MED14: variants seen among roughly 807,000 people sequenced by gnomAD.
MED14 encodes the protein mediator of RNA polymerase II transcription subunit 14.
In MED14, 8 loss-of-function variants were observed where a neutral mutation model predicts 109.0. The observed-to-expected ratio is 0.07, with a 90% CI of 0.04 to 0.13. The LOEUF (loss-of-function observed/expected upper bound fraction) is 0.13. Ranked by LOEUF, MED14 falls within the 10% of genes least tolerant of loss-of-function variation. The pLI, the probability that MED14 is intolerant of heterozygous loss-of-function variation, is 1.00. For synonymous variants in MED14, 399 were observed against 408.7 expected (o/e 0.98, Z 0.29); for missense variants, 711 against 1,142.4 (o/e 0.62, Z 5.44).
rs1928841520 is a variant in MED14 at position 40,650,820 on chromosome X, A to G, written c.*986T>C. On this transcript the variant is annotated 3_prime_UTR_variant, in exon 31 of 31. Coordinates refer to ENST00000324817, the MANE Select transcript of MED14 (RefSeq NM_004229.4). ...TGGGGAAGGAAAGGAGGATAAGTTA[A>G]GCAAGATAAAGAAAGCTCACAGAAA... 1.3e-6 allele frequency: 1 copy of G among 752,530 alleles called. No individual in the cohort carries two copies. Among genetic ancestry groups the G allele is most frequent in the Non-Finnish European group, 1.6e-6 (1 of 638,652 alleles). 62.0% of individuals were successfully genotyped at this position (752,530 alleles called of 1,213,427 possible). A position where few individuals can be genotyped will look rare whatever the true frequency, so the allele number is the denominator to read the frequency against.
rs764915794 is a variant in MED14, at chrX:40,688,113, A to G, written c.2057+341T>C. On this transcript the variant is annotated intron_variant, in intron 16 of 30. Transcript: ENST00000324817. ...GTGCCTGTAGTCCCAGCTACTCGGG[A>G]GGTTGAGGCACGAGAATTGCTTGAA... is the stretch of plus-strand genomic sequence containing the variant. 6.9e-4 allele frequency among the ~76,000 whole-genome samples: 77 copies of G among 111,114 alleles called. 1 individual carries two copies. The highest frequency in any genetic ancestry group is 5.8e-3 in the Admixed American group (61 of 10,465).
At chrX:40,723,702 GAC>G (rs1466318760) in intron 3 of MED14, among the ~76,000 whole-genome samples, 2 of 94,990 alleles carry the variant, frequency 2.1e-5, no homozygotes, top group Non-Finnish European at 4.2e-5. Flanking sequence ...AAATACAATG[GAC>G]ACAAAAAATA....
intron 13 of MED14, among the ~76,000 whole-genome samples, chrX:40,695,195 G>A (rs758876342): frequency 1.6e-4 from 18 of 111,725 alleles, no homozygotes; most frequent in Non-Finnish European, 3.2e-4. Context: ...GCAATTTTGG[G>A]GGATAATGGA....
chrX:40,710,139 AAAATG>A lies in MED14; in HGVS notation c.1023-15_1023-11del, dbSNP rs761764691. 1.1e-3 allele frequency: 1,270 copies of A among 1,125,252 alleles called. 5 individuals are homozygous for A. The African/African-American group carries it at 0.015, about 13-fold the overall frequency. The allele number at this position is 1,125,252 out of a possible 1,213,427, so 92.7% of individuals were successfully genotyped here. On this transcript the variant is annotated splice_polypyrimidine_tract_variant and intron_variant, in intron 8 of 30. Transcript: ENST00000324817. ...CCCAAGAACCTGTTGACTAAAGAAA[AAAATG>A]AAATGAAGAATTTTTTTCAACACAG...
chrX:40,652,196 C>T (rs1928903742), intron 30 of MED14, among the ~76,000 whole-genome samples: 1 of 111,995 alleles, frequency 8.9e-6, no homozygotes, highest in Non-Finnish European at 1.9e-5. Context: ...TTTAAGGCTA[C>T]TGAGTGCTTA....
intron 3 of MED14, chrX:40,726,515 T>C (rs1405470764): frequency 3.6e-6 from 1 of 281,030 alleles, no homozygotes; most frequent in Non-Finnish European, 6.3e-6. Flanking sequence ...CAGTCTCATA[T>C]TTAAAGTCTC....
chrX:40,667,425 C>G (rs1929536141), intron 23 of MED14, among the ~76,000 whole-genome samples: 1 of 111,697 alleles, frequency 9.0e-6, no homozygotes, highest in Admixed American at 9.5e-5. Context: ...ATGAGATATT[C>G]CAGCCAAACA....
chrX:40,697,569 C>T (rs1410941311), intron 12 of MED14, among the ~76,000 whole-genome samples: 5 of 111,913 alleles, frequency 4.5e-5, no homozygotes, highest in Non-Finnish European at 7.5e-5. Flanking sequence ...TGTAGTATAC[C>T]TAGCGGGTCC....
intron 16 of MED14, among the ~76,000 whole-genome samples, chrX:40,685,119 G>A (rs1043153051): frequency 2.7e-5 from 3 of 111,909 alleles, no homozygotes; most frequent in Non-Finnish European, 5.6e-5. Flanking sequence ...AACCGAGGAA[G>A]GTATTTTCTG....
chrX:40,673,579 A>AT (rs960134397), intron 22 of MED14, among the ~76,000 whole-genome samples: 1 of 111,429 alleles, frequency 9.0e-6, no homozygotes, highest in Admixed American at 9.5e-5. Flanking sequence ...TCAAATTATG[A>AT]TTTTTTTCAG....
At chrX:40,735,630 G>C, upstream of MED14, 2 of 499,407 alleles carry the variant, frequency 4.0e-6, no homozygotes, top group Non-Finnish European at 7.2e-6. Flanking sequence ...GGGGGGAGGC[G>C]GGGATGGGGG....
At chrX:40,696,914 C>A (rs749573897) in intron 13 of MED14, 110 bp downstream of exon 13, 88 of 724,221 alleles carry the variant, frequency 1.2e-4, no homozygotes, top group Non-Finnish European at 1.7e-4. Context: ...TTCACTATAC[C>A]AAAGTCAAAT....
At chrX:40,672,453 T>C (rs1325278556) in intron 22 of MED14, among the ~76,000 whole-genome samples, 1 of 112,353 alleles carries the variant, frequency 8.9e-6, no homozygotes, top group Non-Finnish European at 1.9e-5. Context: ...CAATGAAATA[T>C]GGTAGCTCAG....
At chrX:40,697,608 G>A (rs1602473278) in intron 12 of MED14, among the ~76,000 whole-genome samples, 1 of 111,935 alleles carries the variant, frequency 8.9e-6, no homozygotes, top group African/African-American at 3.3e-5. Context: ...TTGTTCCCAC[G>A]TTCCTTTCAG....
chrX:40,694,738 T>C (rs767065192), intron 13 of MED14, among the ~76,000 whole-genome samples: 3 of 112,346 alleles, frequency 2.7e-5, no homozygotes, highest in Non-Finnish European at 3.8e-5. Context: ...AGAACTCTCA[T>C]ATATTGCTGG....
chrX:40,729,371 T>A, intron 1 of MED14, 26 bp from the exon 2 acceptor site: 1 of 1,155,794 alleles, frequency 8.7e-7, no homozygotes. Context: ...AAAAACGGAT[T>A]AGATACATGC....
chrX:40,670,686 G>A (rs1484798673), intron 23 of MED14, among the ~76,000 whole-genome samples: 1 of 109,921 alleles, frequency 9.1e-6, no homozygotes, highest in Non-Finnish European at 1.9e-5. Context: ...GCGTGAACCC[G>A]GGAAGCGGAG....
intron 3 of MED14, among the ~76,000 whole-genome samples, chrX:40,719,445 T>C (rs1333416036): frequency 9.0e-6 from 1 of 111,011 alleles, no homozygotes; most frequent in Non-Finnish European, 1.9e-5. Flanking sequence ...ATGTAGTATA[T>C]CCATGCAATT....
intron 24 of MED14, among the ~76,000 whole-genome samples, chrX:40,664,781 A>G (rs1929416676): frequency 8.9e-6 from 1 of 112,211 alleles, no homozygotes. Context: ...TATATGCATT[A>G]AAATATTAAG....
Sources: allele counts gnomAD v4.1 joint callset (sites outside exome capture counted in the v4.1 genomes callset), GRCh38; gene constraint gnomAD v4.1.1; transcripts MANE v1.5; gene names NCBI Gene and HGNC (gene_info 2026-07-23, HGNC 2026-07-21).